The following CFAP54 variants were observed in gnomAD, a reference collection of about 807,000 sequenced individuals.
The protein encoded by CFAP54 is cilia and flagella associated protein 54.
Under a neutral mutation model 370.4 loss-of-function variants are expected in CFAP54, and 290 were observed. The observed-to-expected ratio is 0.78, with a 90% CI of 0.71 to 0.86. CFAP54 has a LOEUF of 0.86. CFAP54 is among the 40% of genes least tolerant of loss of function. The pLI is 0.00. For synonymous variants in CFAP54, 1,206 were observed against 1,236.5 expected (o/e 0.98, Z 0.52); for missense variants, 3,399 against 3,528.7 (o/e 0.96, Z 0.93).
At chr12:96,661,441 G>T (rs945839793) in intron 38 of CFAP54, among the ~76,000 whole-genome samples, 3 of 152,164 alleles carry the variant, frequency 2.0e-5, no homozygotes, top group African/African-American at 7.2e-5. Flanking sequence ...TTATATGATT[G>T]TGGAGGCCAG....
At chr12:96,727,033 C>T (rs371657228) in intron 50 of CFAP54, among the ~76,000 whole-genome samples, 1 of 152,154 alleles carries the variant, frequency 6.6e-6, no homozygotes, top group Non-Finnish European at 1.5e-5. Context: ...GCACTGTGGT[C>T]TGAGAGACAG....
intron 50 of CFAP54, among the ~76,000 whole-genome samples, chr12:96,726,049 T>C (rs1439843818): frequency 3.4e-5 from 5 of 146,460 alleles, no homozygotes; most frequent in Non-Finnish European, 7.6e-5. Flanking sequence ...GTGGATAAGC[T>C]TTTTGATGTG....
chr12:96,696,648 A>G (rs1207871715), intron 45 of CFAP54, among the ~76,000 whole-genome samples: 2 of 152,140 alleles, frequency 1.3e-5, no homozygotes, highest in Admixed American at 1.3e-4. Flanking sequence ...TTAATTATAG[A>G]AATTGGATCA....
At chr12:96,742,702 G>C (rs1388943737) in intron 52 of CFAP54, 116 bp downstream of exon 52, 82 of 1,020,382 alleles carry the variant, frequency 8.0e-5, no homozygotes, top group Non-Finnish European at 2.1e-5. Flanking sequence ...AGCTTGATCT[G>C]CTTATAGAAT....
At chr12:96,756,643 C>G in intron 57 of CFAP54, 80 bp downstream of exon 57, 2 of 923,430 alleles carry the variant, frequency 2.2e-6, no homozygotes, top group Non-Finnish European at 3.4e-6. Context: ...CCACTCAAGG[C>G]TGGATTGCTT....
chr12:96,859,719 C>G (rs1959816806), intron 66 of CFAP54, among the ~76,000 whole-genome samples: 1 of 152,122 alleles, frequency 6.6e-6, no homozygotes, highest in African/African-American at 2.4e-5. Flanking sequence ...GATGCACACT[C>G]TTAACACTGT....
intron 5 of CFAP54, among the ~76,000 whole-genome samples, chr12:96,515,683 C>A (rs1484190515): frequency 6.6e-6 from 1 of 152,076 alleles, no homozygotes; most frequent in African/African-American, 2.4e-5. Context: ...GCTGTCTAAA[C>A]TCCCGTTTTT....
chr12:96,657,522 A>T (rs529389070), intron 36 of CFAP54, among the ~76,000 whole-genome samples: 1 of 152,254 alleles, frequency 6.6e-6, no homozygotes, highest in Non-Finnish European at 1.5e-5. Context: ...GTGTTGTCCA[A>T]TATGGTAAAC....
intron 40 of CFAP54, among the ~76,000 whole-genome samples, chr12:96,683,068 GC>G (rs948448239): frequency 6.6e-6 from 1 of 151,984 alleles, no homozygotes; most frequent in Admixed American, 6.6e-5. Context: ...ATTTTATGAT[GC>G]CCCTTTTATT....
rs1047192232 is a variant in CFAP54, at chr12:96,538,494, C to T, written c.1902C>T (p.Phe634=). The T allele has an allele frequency of 6.5e-7, 1 of 1,536,194 alleles. No individual in the cohort carries two copies. The highest frequency in any genetic ancestry group is 2.4e-5 in the East Asian group (1 of 40,876). ...LNISRNDYAK[F]TQKISTNKWI... ...TATCCAGAAATGACTATGCAAAATT[C>T]ACCCAGAAAATCAGTACTAACAAAG... Residue 634 remains phenylalanine (F), a synonymous_variant, in exon 13 of 68, where the codon TTC becomes TTT. Coordinates refer to ENST00000524981, the MANE Select transcript of CFAP54 (RefSeq NM_001306084.2).
At chr12:96,591,813 C>T (rs1956127406) in intron 23 of CFAP54, among the ~76,000 whole-genome samples, 1 of 151,400 alleles carries the variant, frequency 6.6e-6, no homozygotes, top group South Asian at 2.1e-4. Flanking sequence ...ATGGCGTGAA[C>T]CCGGGAGGCG....
At chr12:96,564,396 C>A in intron 17 of CFAP54, 72 bp from the exon 18 acceptor site, 1 of 621,258 alleles carries the variant, frequency 1.6e-6, no homozygotes, top group Non-Finnish European at 2.9e-6. Flanking sequence ...AATAGTTACT[C>A]CTTAGTATTT....
chr12:96,561,871 G>A (rs1230135033), intron 17 of CFAP54, among the ~76,000 whole-genome samples: 3 of 144,810 alleles, frequency 2.1e-5, no homozygotes, highest in African/African-American at 7.7e-5. Context: ...CTGCAACCTC[G>A]GCCTCCTGGG....
chr12:96,633,663 A>G (rs1440570089), intron 32 of CFAP54, among the ~76,000 whole-genome samples: 1 of 152,182 alleles, frequency 6.6e-6, no homozygotes, highest in African/African-American at 2.4e-5. Flanking sequence ...TCCATAGTTT[A>G]TTACCATTTA....
At chr12:96,551,487 G>GTGTA (rs1316590932) in intron 15 of CFAP54, among the ~76,000 whole-genome samples, 2 of 62,128 alleles carry the variant, frequency 3.2e-5, no homozygotes, top group Non-Finnish European at 9.0e-5. Context: ...GAATGGGTAT[G>GTGTA]TGTGTGTGTG....
intron 50 of CFAP54, among the ~76,000 whole-genome samples, chr12:96,725,212 G>C (rs973731796): frequency 1.3e-5 from 2 of 151,590 alleles, no homozygotes; most frequent in African/African-American, 4.8e-5. Flanking sequence ...ATTCTGTGAA[G>C]AAAGTCATTG....
In CFAP54 at chr12:96,684,683, G is replaced by A; in HGVS notation, c.5752G>A (p.Val1918Ile). 1 of 1,613,286 alleles carries A rather than the reference G, an allele frequency of 6.2e-7. No homozygotes were observed. The highest frequency in any genetic ancestry group is 1.1e-5 in the South Asian group (1 of 90,756). ...LQASNQRSLK[V>I]QALHSLGSLL... ...AGCCAGCAATCAAAGAAGTCTTAAAGTTCAGGCGTTGCATTCACTTGGAAG... is the reference window on the plus strand; with the variant it reads ...AGCCAGCAATCAAAGAAGTCTTAAAATTCAGGCGTTGCATTCACTTGGAAG... The change falls in exon 41 of 68, where the codon GTT becomes ATT. Residue 1918 changes from valine (V) to isoleucine (I), a missense_variant. Transcript: ENST00000524981.
chr12:96,543,414 A>G lies in CFAP54; in HGVS notation c.2077+2427A>G, dbSNP rs778344488. On this transcript the variant is annotated intron_variant, in intron 14 of 67. Transcript: ENST00000524981. Reference sequence around the variant, plus strand: ...TAGGATCCCATACAGAACAAATACAATGAAGTTGTATTTCTACGGCTTTTA... The same window carrying G: ...TAGGATCCCATACAGAACAAATACAGTGAAGTTGTATTTCTACGGCTTTTA... Among the ~76,000 whole-genome samples the G allele has an allele frequency of 2.2e-4, 34 of 152,146 alleles. 1 individual carries two copies. The highest frequency in any genetic ancestry group is 4.3e-4 in the Non-Finnish European group (29 of 68,028).
intron 66 of CFAP54, among the ~76,000 whole-genome samples, chr12:96,848,672 T>C (rs1959439770): frequency 6.6e-6 from 1 of 152,148 alleles, no homozygotes; most frequent in Non-Finnish European, 1.5e-5. Flanking sequence ...CACTCCAGCC[T>C]GGCAACAGAA....
Sources: allele counts gnomAD v4.1 joint callset (sites outside exome capture counted in the v4.1 genomes callset), GRCh38; gene constraint gnomAD v4.1.1; transcripts MANE v1.5; gene names NCBI Gene and HGNC (gene_info 2026-07-23, HGNC 2026-07-21).